ITGAX: variants seen among roughly 807,000 people sequenced by gnomAD.
ITGAX encodes the protein integrin alpha-X.
A neutral mutation model predicts 140.2 loss-of-function variants in ITGAX; 99 were observed. The observed-to-expected ratio is 0.71, with a 90% CI of 0.60 to 0.83. ITGAX has a LOEUF of 0.83. ITGAX is among the 40% of genes least tolerant of loss of function. The pLI, the probability that ITGAX is intolerant of heterozygous loss-of-function variation, is 0.00. For missense variants in ITGAX, 1,444 were observed against 1,482.0 expected, an observed-to-expected ratio of 0.97 and a Z score of 0.42; for synonymous variants, 631 against 600.4, an observed-to-expected ratio of 1.05 and a Z score of -0.75.
intron 5 of ITGAX, 102 bp from the exon 6 acceptor site, chr16:31,359,598 G>C (rs2080798949): frequency 5.0e-6 from 7 of 1,403,236 alleles, no homozygotes; most frequent in Admixed American, 2.0e-5. Flanking sequence ...TAGGGGCTTA[G>C]GGGAGGAAGG....
rs2081076119 is a variant in ITGAX, at chr16:31,382,244, C to CTTTTCTTTTTTTTTTTTTTTT, written c.*356_*357insTTTTTTCTTTTTTTTTTTTTT. On this transcript the variant is annotated 3_prime_UTR_variant, in exon 30 of 30. Transcript: ENST00000268296. ...CTTTCCTTTCTTTTTTTTTTTTTTT[C>CTTTTCTTTTTTTTTTTTTTTT]TTTTCTTTTTTTTTTTTTTGAGACG... 1.2e-6 allele frequency: 1 copy of CTTTTCTTTTTTTTTTTTTTTT among 815,550 alleles called. No individual in the cohort carries two copies. The highest frequency in any genetic ancestry group is 2.3e-5 in the African/African-American group (1 of 43,498). 50.5% of individuals were successfully genotyped at this position (815,550 alleles called of 1,614,324 possible). A position where few individuals can be genotyped will look rare whatever the true frequency, so the allele number is the denominator to read the frequency against.
At chr16:31,376,639 C>G (rs566066346) in intron 20 of ITGAX, among the ~76,000 whole-genome samples, 160 bp from the exon 21 acceptor site, 2 of 152,158 alleles carry the variant, frequency 1.3e-5, no homozygotes, top group Admixed American at 1.3e-4. Context: ...AACAAACAAA[C>G]AAACAAAAAC....
chr16:31,373,094 TAAA>T (rs967685799), intron 19 of ITGAX, among the ~76,000 whole-genome samples, 152 bp from the exon 20 acceptor site: 37 of 114,386 alleles, frequency 3.2e-4, no homozygotes, highest in South Asian at 8.7e-4. Flanking sequence ...CTCTGTCTCT[TAAA>T]AAAAAAGAAG....
rs4889652 is a variant in ITGAX at position 31,382,471 on chromosome 16, C to T, written c.*564C>T. 9.2e-6 allele frequency: 14 copies of T among 1,528,380 alleles called. No homozygotes were observed. In the South Asian group the frequency reaches 1.7e-4, roughly 18 times the overall value. 94.7% of individuals were successfully genotyped at this position (1,528,380 alleles called of 1,614,324 possible). A position where few individuals can be genotyped will look rare whatever the true frequency, so the allele number is the denominator to read the frequency against. ...CATCCCCACCTGTCTTCAACAGCTC[C>T]CCATTACCCTCAGGACAATGTCTGA... On this transcript the variant is annotated 3_prime_UTR_variant, in exon 30 of 30. Transcript: ENST00000268296.
chr16:31,373,767 G>A (rs1236988730), intron 20 of ITGAX, among the ~76,000 whole-genome samples: 2 of 152,240 alleles, frequency 1.3e-5, no homozygotes, highest in Non-Finnish European at 2.9e-5. Context: ...TAAAGGGCTA[G>A]ATAGTAAATA....
At chr16:31,374,246 G>GCCA (rs2080999399) in intron 20 of ITGAX, among the ~76,000 whole-genome samples, 1 of 151,696 alleles carries the variant, frequency 6.6e-6, no homozygotes, top group South Asian at 2.1e-4. Context: ...CTGAGATTGT[G>GCCA]CCACTGCACT....
intron 14 of ITGAX, among the ~76,000 whole-genome samples, chr16:31,366,296 G>A (rs1269543712): frequency 2.0e-5 from 3 of 152,200 alleles, no homozygotes; most frequent in Admixed American, 1.3e-4. Flanking sequence ...TGTTGCTATT[G>A]TCCTCTTTTT....
chr16:31,359,444 G>A (rs13336235), intron 5 of ITGAX, among the ~76,000 whole-genome samples: 24,042 of 152,162 alleles, frequency 0.16, 2,118 homozygotes, highest in African/African-American at 0.21. Context: ...GATTACAGGC[G>A]TGAGCCACCA....
In ITGAX at chr16:31,380,586, T is replaced by C; in HGVS notation, c.3238T>C (p.Ser1080Pro). 1 of 1,614,240 alleles carries C rather than the reference T, an allele frequency of 6.2e-7. No homozygotes were observed. Among genetic ancestry groups the C allele is most frequent in the Non-Finnish European group, 8.5e-7 (1 of 1,180,044 alleles). The change falls in exon 28 of 30, where the codon TCC becomes CCC. Residue 1080 changes from serine to proline, a missense_variant. Transcript: ENST00000268296. ...AATTACGTTCGACACATCCGTGTAC[T>C]CCCAGCTTCCAGGACAGGAGGCATT... is the stretch of plus-strand genomic sequence containing the variant. ...AEITFDTSVY[S>P]QLPGQEAFMR...
At chr16:31,368,892 C>T (rs1287955359) in intron 14 of ITGAX, among the ~76,000 whole-genome samples, 1 of 152,042 alleles carries the variant, frequency 6.6e-6, no homozygotes, top group Non-Finnish European at 1.5e-5. Flanking sequence ...TGAGTGGACA[C>T]AGCACATGTT....
chr16:31,364,234 G>A (rs2080868198), intron 14 of ITGAX, among the ~76,000 whole-genome samples: 1 of 151,806 alleles, frequency 6.6e-6, no homozygotes, highest in African/African-American at 2.4e-5. Flanking sequence ...GCCAGTCTGG[G>A]CAACATAGGG....
intron 2 of ITGAX, 105 bp downstream of exon 2, chr16:31,356,103 T>C: frequency 2.6e-6 from 2 of 775,670 alleles, no homozygotes; most frequent in East Asian, 5.2e-5. Context: ...CCTCTCTGTC[T>C]GGTGTAGCGA....
intron 26 of ITGAX, 61 bp from the exon 27 acceptor site, chr16:31,380,205 A>G: frequency 6.4e-7 from 1 of 1,569,482 alleles, no homozygotes; most frequent in Non-Finnish European, 8.7e-7. Flanking sequence ...CACACCGCAT[A>G]ATGCTGCCTC....
Position 31,380,421 on chromosome 16 carries a change from C to T in ITGAX, c.3174+42C>T, listed in dbSNP as rs553309118. ...ACAGAGCCCCTGCCCCAGACTCAGG[C>T]GGGACCTGGCATGTCTGTGCCCATC... On this transcript the variant is annotated intron_variant, in intron 27 of 29. Transcript: ENST00000268296. 64 of 1,609,982 alleles carry T rather than the reference C, an allele frequency of 4.0e-5. No individual in the cohort carries two copies. Among genetic ancestry groups the T allele is most frequent in the Middle Eastern group, 1.6e-4 (1 of 6,070 alleles).
intron 14 of ITGAX, among the ~76,000 whole-genome samples, chr16:31,365,590 T>C (rs1464798083): frequency 2.6e-5 from 4 of 152,212 alleles, no homozygotes; most frequent in African/African-American, 9.7e-5. Context: ...ACACAATAGG[T>C]ATCATGTTGT....
chr16:31,355,588 T>C (rs1410655525), intron 1 of ITGAX, among the ~76,000 whole-genome samples: 1 of 152,204 alleles, frequency 6.6e-6, no homozygotes, highest in Non-Finnish European at 1.5e-5. Flanking sequence ...GACAGGATGC[T>C]TTGGTCCGCA....
At chr16:31,363,786 C>A (rs1474726551) in intron 14 of ITGAX, among the ~76,000 whole-genome samples, 1 of 152,192 alleles carries the variant, frequency 6.6e-6, no homozygotes, top group Non-Finnish European at 1.5e-5. Flanking sequence ...GCACAGAAAA[C>A]CCATTTTACA....
At chr16:31,365,072 A>T (rs1162149253) in intron 14 of ITGAX, among the ~76,000 whole-genome samples, 1 of 152,192 alleles carries the variant, frequency 6.6e-6, no homozygotes, top group Non-Finnish European at 1.5e-5. Flanking sequence ...TGATCTGGCA[A>T]TTCCACCTAT....
Position 31,382,449 on chromosome 16 carries a change from C to A in ITGAX, c.*542C>A, listed in dbSNP as rs1253678218. ...ATACAGTTCTGAATATGCTGCTCAT[C>A]CCCACCTGTCTTCAACAGCTCCCCA... On this transcript the variant is annotated 3_prime_UTR_variant, in exon 30 of 30. Coordinates refer to ENST00000268296, the MANE Select transcript of ITGAX (RefSeq NM_000887.5). 7 of 1,535,164 alleles carry A rather than the reference C, an allele frequency of 4.6e-6. No individual in the cohort carries two copies. Among genetic ancestry groups the A allele is most frequent in the African/African-American group, 2.7e-5 (2 of 73,010 alleles).
Sources: gnomAD v4.1 joint callset for allele counts (sites outside exome capture counted in the v4.1 genomes callset) on GRCh38, gnomAD v4.1.1 for gene constraint, MANE v1.5 for transcripts, NCBI Gene and HGNC (gene_info 2026-07-23, HGNC 2026-07-21) for gene names.